The following NFASC variants were observed in gnomAD, a reference collection of about 807,000 sequenced individuals.
NFASC encodes neurofascin.
In NFASC, 43 loss-of-function variants were observed where a neutral mutation model predicts 147.5. That is an observed-to-expected ratio of 0.29 (90% confidence interval 0.23 to 0.38). The LOEUF is 0.38. NFASC is among the 10% of genes least tolerant of loss of function. NFASC has a pLI of 1.00. For synonymous variants in NFASC, 622 were observed against 665.5 expected, an observed-to-expected ratio of 0.93 and a Z score of 1.01; for missense variants, 1,320 against 1,689.0, an observed-to-expected ratio of 0.78 and a Z score of 3.83.
chr1:204,880,788 T>G (rs1173087181), intron 1 of NFASC, among the ~76,000 whole-genome samples: 1 of 152,128 alleles, frequency 6.6e-6, no homozygotes, highest in Non-Finnish European at 1.5e-5. Context: ...TTCCCAGGTG[T>G]TTCAAAAGCA....
In NFASC at chr1:205,012,886, C is replaced by T. The variant is rs2096278747; in HGVS notation, c.3491+20C>T. 2 of 1,585,646 alleles carry T rather than the reference C, an allele frequency of 1.3e-6. No homozygotes were observed. The highest frequency in any genetic ancestry group is 1.7e-4 in the Middle Eastern group (1 of 6,028). On this transcript the variant is annotated intron_variant, in intron 29 of 29. Coordinates refer to ENST00000339876, the MANE Select transcript of NFASC (RefSeq NM_001005388.3). ...CTATAGGTGCGTGATCTCCCTCCTC[C>T]TCTCTCAGGCAGGCTGTCCTCCCTG...
At chr1:204,977,073 C>T (rs1048231581) in intron 16 of NFASC, 10 of 1,227,976 alleles carry the variant, frequency 8.1e-6, no homozygotes, top group African/African-American at 4.7e-5. Flanking sequence ...AGGGGTTTCT[C>T]GTTGTGATCA....
At chr1:204,858,622 C>T (rs1053400311) in intron 1 of NFASC, among the ~76,000 whole-genome samples, 3 of 152,132 alleles carry the variant, frequency 2.0e-5, no homozygotes, top group Non-Finnish European at 2.9e-5. Context: ...AGGGACTCCT[C>T]TGGAGTCCCC....
chr1:204,968,079 T>C lies in NFASC; in HGVS notation c.707-170T>C, dbSNP rs1293634257. 4 of 590,570 alleles carry C rather than the reference T, an allele frequency of 6.8e-6. No individual in the cohort carries two copies. The highest frequency in any genetic ancestry group is 1.9e-5 in the African/African-American group (1 of 53,696). 36.6% of individuals were successfully genotyped at this position (590,570 alleles called of 1,614,324 possible). A position where few individuals can be genotyped will look rare whatever the true frequency, so the allele number is the denominator to read the frequency against. On this transcript the variant is annotated intron_variant, in intron 8 of 29. Transcript: ENST00000339876. The surrounding 1 kb of genome is among the most constrained non-coding windows in gnomAD (Gnocchi z 5.4). ...TCATGTAGGTGGGGCTGAGGAGCCC[T>C]GGGCTTCCTAACACACCTCACTTAA...
rs776251502 is a variant in NFASC at position 204,975,325 on chromosome 1, C to G, written c.1613C>G (p.Thr538Arg). The change falls in exon 15 of 30, where the codon ACG becomes AGG. Residue 538 changes from threonine (T) to arginine (R), a missense_variant. By Grantham distance (71) the Thr-to-Arg change is moderately conservative. Transcript: ENST00000339876. The surrounding 1 kb of genome is among the most constrained non-coding windows in gnomAD (Gnocchi z 4.0). Reference sequence around the variant, plus strand: ...GACCAGGTGGCCAGAAGGGGCACCACGGTGCAGCTGGAGTGTCGGGTGAAG... The same window carrying G: ...GACCAGGTGGCCAGAAGGGGCACCAGGGTGCAGCTGGAGTGTCGGGTGAAG... ...PEDQVARRGT[T>R]VQLECRVKHD... is the part of the protein sequence containing the mutation. 1.9e-6 allele frequency: 3 copies of G among 1,614,004 alleles called. No individual in the cohort carries two copies. The East Asian group carries it at 6.7e-5, about 36-fold the overall frequency.
intron 1 of NFASC, among the ~76,000 whole-genome samples, chr1:204,864,331 A>G (rs984008031): frequency 2.0e-5 from 3 of 152,234 alleles, no homozygotes; most frequent in Non-Finnish European, 2.9e-5. Flanking sequence ...AATATTGTAT[A>G]TAAGTACCTG....
intron 2 of NFASC, among the ~76,000 whole-genome samples, chr1:204,927,363 A>G (rs1259497441): frequency 6.6e-6 from 1 of 152,150 alleles, no homozygotes; most frequent in Non-Finnish European, 1.5e-5. Flanking sequence ...TTTCCTTAGC[A>G]AGATGTTTTG....
At chr1:204,976,857 G>A (rs752521700) in intron 16 of NFASC, 62 bp downstream of exon 16, 146 of 1,580,280 alleles carry the variant, frequency 9.2e-5, no homozygotes, top group South Asian at 6.9e-5. Flanking sequence ...AGCCAGAGAA[G>A]CAGTGGCCCG....
At chr1:204,978,069 C>G (rs952259688) in intron 17 of NFASC, among the ~76,000 whole-genome samples, 2 of 152,228 alleles carry the variant, frequency 1.3e-5, no homozygotes, top group African/African-American at 4.8e-5. Context: ...CTTCACATCA[C>G]CTGGAAACTC....
intron 4 of NFASC, among the ~76,000 whole-genome samples, chr1:204,950,797 G>A (rs1294607471): frequency 6.6e-6 from 1 of 152,152 alleles, no homozygotes; most frequent in Non-Finnish European, 1.5e-5. Context: ...GAGGGTCATT[G>A]GATCGAAGCT....
At chr1:205,005,276 C>T (rs934026822) in intron 27 of NFASC, among the ~76,000 whole-genome samples, 3 of 152,242 alleles carry the variant, frequency 2.0e-5, no homozygotes, top group Admixed American at 1.3e-4. Flanking sequence ...CATAATTCTT[C>T]TGCAGACTTT....
At chr1:204,852,168 G>A (rs12405886) in intron 1 of NFASC, among the ~76,000 whole-genome samples, 29,212 of 152,076 alleles carry the variant, frequency 0.19, 4,060 homozygotes, top group East Asian at 0.53. Context: ...AGGAGCATTA[G>A]CGATCATCTG....
At position 205,016,253 on chromosome 1, in the gene NFASC, G is replaced by A; in HGVS notation, c.3492-55G>A. ...AGCTGTGTAGGGCATGTGCTGGCAG[G>A]AGGCCAGCTGCCCCATCTCACCCCA... On this transcript the variant is annotated intron_variant, in intron 29 of 29. Coordinates refer to ENST00000339876, the MANE Select transcript of NFASC (RefSeq NM_001005388.3). This position sits in a 1 kb window ranked among gnomAD's most constrained non-coding sequence, Gnocchi z 5.1. 8.0e-7 allele frequency: 1 copy of A among 1,244,676 alleles called. No individual in the cohort carries two copies. The highest frequency in any genetic ancestry group is 1.2e-6 in the Non-Finnish European group (1 of 846,460). 77.1% of individuals were successfully genotyped at this position (1,244,676 alleles called of 1,614,324 possible).
chr1:204,857,915 TCTTC>T (rs1329735185), intron 1 of NFASC, among the ~76,000 whole-genome samples: 1 of 142,422 alleles, frequency 7.0e-6, no homozygotes, highest in African/African-American at 2.8e-5. Flanking sequence ...TCCTTCTTCT[TCTTC>T]TTTTTTTTTT....
chr1:204,949,273 C>A (rs2093967533), intron 3 of NFASC, among the ~76,000 whole-genome samples: 1 of 152,228 alleles, frequency 6.6e-6, no homozygotes, highest in Non-Finnish European at 1.5e-5. Flanking sequence ...CCTGCTGTGG[C>A]TCTTCCTGCA....
At chr1:204,969,427 T>C (rs1490380089) in intron 10 of NFASC, among the ~76,000 whole-genome samples, 1 of 151,898 alleles carries the variant, frequency 6.6e-6, no homozygotes, top group African/African-American at 2.4e-5. Context: ...ATCACTTCCT[T>C]CCCCCCAAAG....
chr1:204,884,316 C>G (rs1042524842), intron 1 of NFASC, among the ~76,000 whole-genome samples: 2 of 152,108 alleles, frequency 1.3e-5, no homozygotes, highest in African/African-American at 2.4e-5. Flanking sequence ...TACCTTTTCT[C>G]TGTCAGCTGC....
Position 204,957,692 on chromosome 1 carries a change from A to G in NFASC, c.572A>G (p.Gln191Arg), listed in dbSNP as rs1398572897. The change falls in exon 8 of 30, where the codon CAG becomes CGG. Residue 191 changes from glutamine (Q) to arginine (R), a missense_variant. Physicochemically the swap from Gln to Arg is conservative, Grantham distance 43 (BLOSUM62 1). Around this residue, in one of 3 missense-constraint regions of NFASC, gnomAD observed 981 missense variants for 1,289.5 expected, o/e 0.76. Transcript: ENST00000339876. Reference protein sequence around the residue: ...EPITQDKRVSQGHNGDLYFSN... With the variant: ...EPITQDKRVSRGHNGDLYFSN... ...ATCACCCAAGACAAACGTGTCTCTC[A>G]GGGCCATAACGGAGACCTATACTTC... The G allele has an allele frequency of 1.2e-6, 2 of 1,614,176 alleles. No individual in the cohort carries two copies. Among genetic ancestry groups the G allele is most frequent in the Non-Finnish European group, 1.7e-6 (2 of 1,180,026 alleles).
Position 204,977,719 on chromosome 1 carries a change from C to A in NFASC, c.1870C>A (p.Pro624Thr). The A allele has an allele frequency of 1.2e-6, 2 of 1,609,574 alleles. No individual in the cohort carries two copies. The highest frequency in any genetic ancestry group is 1.7e-6 in the Non-Finnish European group (2 of 1,176,450). ...ATPTNRLAAL[P>T]KGRPDRPRDL... ...TCCAACTAACCGTTTGGCTGCCCTGCCCAAAGGTAATTCCCACTAATCACA... is the reference window on the plus strand; with the variant it reads ...TCCAACTAACCGTTTGGCTGCCCTGACCAAAGGTAATTCCCACTAATCACA... The change falls in exon 17 of 30, where the codon CCC becomes ACC. Residue 624 changes from proline (P) to threonine (T), a missense_variant. Pro to Thr is a conservative substitution (Grantham distance 38). Around this residue, in one of 3 missense-constraint regions of NFASC, gnomAD observed 981 missense variants for 1,289.5 expected, o/e 0.76. Coordinates refer to ENST00000339876, the MANE Select transcript of NFASC (RefSeq NM_001005388.3).
Sources: allele counts gnomAD v4.1 joint callset (sites outside exome capture counted in the v4.1 genomes callset), GRCh38; gene constraint gnomAD v4.1.1; regional missense constraint gnomAD v4.1.1; non-coding constraint Gnocchi (gnomAD v3.1); transcripts MANE v1.5; gene names NCBI Gene and HGNC (gene_info 2026-07-23, HGNC 2026-07-21).